Variants in HECW2 observed in about 807,000 individuals in gnomAD.
HECW2 encodes HECT, C2 and WW domain containing E3 ubiquitin protein ligase 2.
In HECW2, 61 loss-of-function variants were observed where a neutral mutation model predicts 175.2. That is an observed-to-expected ratio of 0.35 (90% CI 0.28 to 0.43). The LOEUF (loss-of-function observed/expected upper bound fraction) is 0.43, where lower values mean the gene tolerates loss of function less well. Ranked by LOEUF, HECW2 falls within the 20% of genes least tolerant of loss-of-function variation. The probability of loss-of-function intolerance (pLI) is 1.00; values close to 1 mark genes in which losing one functional copy is unlikely to be tolerated. For synonymous variants in HECW2, 671 were observed against 731.0 expected, an observed-to-expected ratio of 0.92 and a Z score of 1.32; for missense variants, 1,524 against 2,000.5, an observed-to-expected ratio of 0.76 and a Z score of 4.54.
chr2:196,414,504 G>A (rs1400689169), intron 2 of HECW2, among the ~76,000 whole-genome samples: 2 of 152,194 alleles, frequency 1.3e-5, no homozygotes, highest in African/African-American at 4.8e-5. Flanking sequence ...AACATTCTGT[G>A]AGTGTGGAGT....
intron 2 of HECW2, among the ~76,000 whole-genome samples, chr2:196,415,236 T>C (rs967184421): frequency 6.6e-6 from 1 of 152,200 alleles, no homozygotes; most frequent in Non-Finnish European, 1.5e-5. Context: ...GGTACTTATA[T>C]TCCTCGGTAG....
chr2:196,227,615 A>C (rs1687901746), intron 22 of HECW2, among the ~76,000 whole-genome samples: 1 of 152,122 alleles, frequency 6.6e-6, no homozygotes, highest in African/African-American at 2.4e-5. Context: ...CACCATCATT[A>C]CCAGAGTTGA....
intron 16 of HECW2, among the ~76,000 whole-genome samples, chr2:196,271,657 C>T (rs6750933): frequency 0.57 from 86,536 of 152,086 alleles, 28,385 homozygotes; most frequent in South Asian, 0.76. Flanking sequence ...GTAACCCCAG[C>T]ACTTTCAGAG....
At chr2:196,222,053 T>C (rs1687688620) in intron 24 of HECW2, among the ~76,000 whole-genome samples, 158 bp downstream of exon 24, 1 of 152,364 alleles carries the variant, frequency 6.6e-6, no homozygotes, top group Admixed American at 6.5e-5. Context: ...TTCTAATCTT[T>C]ATAACTGCGG....
intron 1 of HECW2, among the ~76,000 whole-genome samples, chr2:196,581,430 A>G (rs1274305528): frequency 6.6e-6 from 1 of 152,178 alleles, no homozygotes. Flanking sequence ...GCTACTCAGG[A>G]GGCTGAGGCA....
rs1691731373 is a variant in HECW2 at position 196,317,215 on chromosome 2, C to T, written c.2434+59G>A. The T allele has an allele frequency of 3.1e-6, 4 of 1,288,564 alleles. No individual in the cohort carries two copies. In the South Asian group the frequency reaches 5.0e-5, roughly 16 times the overall value. 79.8% of individuals were successfully genotyped at this position (1,288,564 alleles called of 1,614,324 possible). On this transcript the variant is annotated intron_variant, in intron 10 of 28. Transcript: ENST00000644978. ...TCTTTTGAGACTCATGGGAATGGGT[C>T]TGCCTGTCACCTTTCACCGTTTGAT...
chr2:196,226,855 T>A (rs577065041), intron 22 of HECW2, among the ~76,000 whole-genome samples: 67 of 152,348 alleles, frequency 4.4e-4, no homozygotes, highest in African/African-American at 1.6e-3. Flanking sequence ...GGACATTCTG[T>A]TCTCTAAAAT....
At chr2:196,431,572 T>C (rs1695713599) in intron 2 of HECW2, among the ~76,000 whole-genome samples, 2 of 152,078 alleles carry the variant, frequency 1.3e-5, no homozygotes, top group African/African-American at 4.8e-5. Flanking sequence ...TGGTAAAAAA[T>C]GAGAAAGTCT....
At position 196,235,648 on chromosome 2, in the gene HECW2, C is replaced by CTTTTTTT. The variant is rs757874073; in HGVS notation, c.3764+4794_3764+4800dup. ...TTGGAGCACAGGTAGATGCATTATT[C>CTTTTTTT]TTTTTTTTTTTTTTTTTTTTTTTTT... On this transcript the variant is annotated intron_variant, in intron 21 of 28. Coordinates refer to ENST00000644978, the MANE Select transcript of HECW2 (RefSeq NM_001348768.2). Among the ~76,000 whole-genome samples, 498 of 78,834 alleles carry CTTTTTTT rather than the reference C, an allele frequency of 6.3e-3. 2 individuals carry two copies. The highest frequency in any genetic ancestry group is 8.8e-3 in the Non-Finnish European group (367 of 41,782). 51.7% of individuals were successfully genotyped at this position (78,834 alleles called of 152,430 possible).
At chr2:196,552,647 C>T (rs1689641827) in intron 1 of HECW2, among the ~76,000 whole-genome samples, 1 of 152,186 alleles carries the variant, frequency 6.6e-6, no homozygotes, top group Non-Finnish European at 1.5e-5. Flanking sequence ...GAAGTCCTTC[C>T]TCTCTCCCGC....
intron 2 of HECW2, among the ~76,000 whole-genome samples, chr2:196,399,414 T>C (rs1434189093): frequency 6.6e-6 from 1 of 152,246 alleles, no homozygotes; most frequent in Non-Finnish European, 1.5e-5. Context: ...AGAGGGCTTA[T>C]GATCTTCTGC....
intron 2 of HECW2, among the ~76,000 whole-genome samples, chr2:196,403,204 T>A (rs1039176999): frequency 2.6e-5 from 4 of 152,110 alleles, no homozygotes; most frequent in Admixed American, 2.6e-4. Context: ...AGCAAATAAG[T>A]ACTAAATAGC....
chr2:196,319,557 G>A lies in HECW2; in HGVS notation c.1333C>T (p.Pro445Ser), dbSNP rs757550288. The A allele has an allele frequency of 6.2e-7, 1 of 1,614,182 alleles. No homozygotes were observed. Among genetic ancestry groups the A allele is most frequent in the Non-Finnish European group, 8.5e-7 (1 of 1,180,020 alleles). The change falls in exon 9 of 29, where the codon CCG (proline) becomes TCG (serine). Residue 445 changes from proline (P) to serine (S), a missense_variant. By Grantham distance (74) the Pro-to-Ser change is moderately conservative. This residue lies in a region of HECW2 where 604 missense variants were observed against 588.3 expected (regional missense o/e 1.03). Coordinates refer to ENST00000644978, the MANE Select transcript of HECW2 (RefSeq NM_001348768.2). ...TCSERSMGASPKLRSSFPTDT... is the reference protein window; with the variant it reads ...TCSERSMGASSKLRSSFPTDT... ...GTGGGAAAACTACTCCTCAGTTTCG[G>A]AGAGGCACCCATGGACCTCTCAGAG... is the stretch of plus-strand genomic sequence containing the variant.
intron 1 of HECW2, among the ~76,000 whole-genome samples, chr2:196,554,139 C>T (rs1369152275): frequency 6.6e-6 from 1 of 151,930 alleles, no homozygotes; most frequent in Non-Finnish European, 1.5e-5. Context: ...GAGATCGAGA[C>T]CACGGTGAAA....
chr2:196,521,282 CAAAAA>C lies in HECW2; in HGVS notation c.-36+72221_-36+72225del, dbSNP rs1158051512. Among the ~76,000 whole-genome samples, 53 of 53,692 alleles carry C rather than the reference CAAAAA, an allele frequency of 9.9e-4. 1 individual carries two copies. The highest frequency in any genetic ancestry group is 2.4e-3 in the African/African-American group (46 of 18,964). The allele number at this position is 53,692 out of a possible 152,430, so 35.2% of individuals were successfully genotyped here. A position where few individuals can be genotyped will look rare whatever the true frequency, so the allele number is the denominator to read the frequency against. On this transcript the variant is annotated intron_variant, in intron 1 of 28. Coordinates refer to ENST00000644978, the MANE Select transcript of HECW2 (RefSeq NM_001348768.2). ...CATCCTCACTAGGAAACGTGAGTAA[CAAAAA>C]AAAAAAAAAAAAAAAAAAAAGAAAG...
At chr2:196,458,654 T>C (rs901250253) in intron 1 of HECW2, among the ~76,000 whole-genome samples, 1 of 151,328 alleles carries the variant, frequency 6.6e-6, no homozygotes, top group African/African-American at 2.4e-5. Flanking sequence ...GATCACGAGG[T>C]CAAGAGATCG....
intron 2 of HECW2, among the ~76,000 whole-genome samples, chr2:196,380,714 C>T (rs1477763807): frequency 6.6e-6 from 1 of 152,174 alleles, no homozygotes; most frequent in Non-Finnish European, 1.5e-5. Context: ...ACCCATTCTG[C>T]TGCCGTTAGT....
intron 1 of HECW2, among the ~76,000 whole-genome samples, chr2:196,495,182 C>T (rs1437189023): frequency 6.6e-6 from 1 of 152,068 alleles, no homozygotes; most frequent in Non-Finnish European, 1.5e-5. Context: ...ATTCTCCTCA[C>T]TCAGCCTCCC....
At chr2:196,564,386 A>T (rs1182336694) in intron 1 of HECW2, among the ~76,000 whole-genome samples, 1 of 152,216 alleles carries the variant, frequency 6.6e-6, no homozygotes, top group Non-Finnish European at 1.5e-5. Flanking sequence ...ATTATGATTA[A>T]TTAGGAAGAT....
Sources: allele counts gnomAD v4.1 joint callset (sites outside exome capture counted in the v4.1 genomes callset), GRCh38; gene constraint gnomAD v4.1.1; regional missense constraint gnomAD v4.1.1; transcripts MANE v1.5; gene names NCBI Gene and HGNC (gene_info 2026-07-23, HGNC 2026-07-21).